Variants in PRRG1 observed in about 807,000 individuals in gnomAD.
PRRG1 encodes proline rich and Gla domain 1, also known as transmembrane gamma-carboxyglutamic acid protein 1.
PRRG1 carries 5 observed loss-of-function variants against 11.8 expected under a neutral mutation model. That is an observed-to-expected ratio of 0.42 (90% CI 0.22 to 0.89). PRRG1 has a LOEUF of 0.89. Among genes scored for constraint, PRRG1 ranks in the 40% least tolerant of loss-of-function variants. The pLI is 0.28. For synonymous variants in PRRG1, 66 were observed against 60.4 expected, an observed-to-expected ratio of 1.09 and a Z score of -0.43; for missense variants, 155 against 166.1, an observed-to-expected ratio of 0.93 and a Z score of 0.37.
At chrX:37,352,924 C>T (rs1395239177) in intron 1 of PRRG1, among the ~76,000 whole-genome samples, 3 of 111,879 alleles carry the variant, frequency 2.7e-5, no homozygotes, top group Non-Finnish European at 5.6e-5. Context: ...TGTCACAGTG[C>T]AATGCATTAC....
intron 1 of PRRG1, among the ~76,000 whole-genome samples, chrX:37,363,709 C>T (rs1251245045): frequency 8.9e-6 from 1 of 112,104 alleles, no homozygotes; most frequent in African/African-American, 3.2e-5. Flanking sequence ...TACTTGGTAT[C>T]ATATAATGAA....
chrX:37,439,569 A>G (rs376345138), intron 3 of PRRG1, among the ~76,000 whole-genome samples: 19 of 110,926 alleles, frequency 1.7e-4, no homozygotes, highest in African/African-American at 6.2e-4. Context: ...CCTCCTCCTC[A>G]TTGAACACAG....
intron 1 of PRRG1, among the ~76,000 whole-genome samples, chrX:37,365,761 C>T (rs1459370581): frequency 9.0e-6 from 1 of 111,471 alleles, no homozygotes; most frequent in Non-Finnish European, 1.9e-5. Context: ...TTTGATTTGA[C>T]CAGAAGCAAC....
chrX:37,424,672 C>T (rs182752977), intron 2 of PRRG1, among the ~76,000 whole-genome samples: 18 of 109,228 alleles, frequency 1.6e-4, no homozygotes, highest in African/African-American at 6.0e-4. Flanking sequence ...AGGAAATACT[C>T]ATTGAAGGCC....
At chrX:37,399,631 A>C (rs1602002315) in intron 1 of PRRG1, among the ~76,000 whole-genome samples, 1 of 101,242 alleles carries the variant, frequency 9.9e-6, no homozygotes, top group Admixed American at 1.1e-4. Context: ...ACACATAACA[A>C]TATTAACTTT....
chrX:37,425,919 G>A lies in PRRG1; in HGVS notation c.90G>A (p.Gln30=). 8.3e-7 allele frequency: 1 copy of A among 1,206,744 alleles called. No individual in the cohort carries two copies. Among genetic ancestry groups the A allele is most frequent in the Non-Finnish European group, 1.1e-6 (1 of 892,592 alleles). The change falls in exon 3 of 4, where the codon CAG becomes CAA. Residue 30 remains glutamine, a synonymous_variant. Transcript: ENST00000378628. ...ATGGGTTTTTTGAAGAAATAAGACA[G>A]GGCAACATTGAGCGTGAGTGCAAAG... The part of the protein sequence containing the change: ...RANGFFEEIR[Q]GNIERECKEE...
In PRRG1 at chrX:37,418,539, A is replaced by G. The variant is rs1254964256; in HGVS notation, c.11-7301A>G. Among the ~76,000 whole-genome samples the G allele has an allele frequency of 3.6e-5, 4 of 112,232 alleles. No individual in the cohort carries two copies. In the Admixed American group the frequency reaches 3.8e-4, roughly 11 times the overall value. ...TATATTTTGCAGATTGAGGATGCTTACCTTTTTAAACATGATTTAAAAGAT... is the reference window on the plus strand; with the variant it reads ...TATATTTTGCAGATTGAGGATGCTTGCCTTTTTAAACATGATTTAAAAGAT... On this transcript the variant is annotated intron_variant, in intron 2 of 3. Transcript: ENST00000378628.
chrX:37,381,014 A>T (rs1931135762), intron 1 of PRRG1, among the ~76,000 whole-genome samples: 1 of 111,644 alleles, frequency 9.0e-6, no homozygotes. Context: ...TTAATTCTTT[A>T]GAATGGAACA....
At position 37,456,268 on chromosome X, in the gene PRRG1, A is replaced by T. The variant is rs1255245465; in HGVS notation, c.*2647A>T. On this transcript the variant is annotated 3_prime_UTR_variant, in exon 4 of 4. Coordinates refer to ENST00000378628, the MANE Select transcript of PRRG1 (RefSeq NM_001142395.2). ...AAGTGTAAGGGGGTCCAGAGACCAAAAGTTTTAGAGCTACAGGATTAGACA... is the reference window on the plus strand; with the variant it reads ...AAGTGTAAGGGGGTCCAGAGACCAATAGTTTTAGAGCTACAGGATTAGACA... The T allele has an allele frequency of 1.8e-5, 2 of 112,111 alleles. No individual in the cohort carries two copies. The highest frequency in any genetic ancestry group is 3.8e-5 in the Non-Finnish European group (2 of 53,211). 9.2% of individuals were successfully genotyped at this position (112,111 alleles called of 1,213,427 possible).
chrX:37,432,507 GA>G (rs202133364), intron 3 of PRRG1, among the ~76,000 whole-genome samples: 4,817 of 111,622 alleles, frequency 0.043, 255 homozygotes, highest in African/African-American at 0.15. Context: ...GCAAGTAGAA[GA>G]AATTCCTTCA....
intron 1 of PRRG1, among the ~76,000 whole-genome samples, chrX:37,394,325 C>T (rs782462338): frequency 3.6e-5 from 4 of 111,819 alleles, no homozygotes; most frequent in South Asian, 3.8e-4. Context: ...AGAGACACCA[C>T]GAGGAGGGAA....
chrX:37,439,507 T>C (rs782762363), intron 3 of PRRG1, among the ~76,000 whole-genome samples: 4 of 112,003 alleles, frequency 3.6e-5, no homozygotes, highest in African/African-American at 9.7e-5. Context: ...AAGCCCAAAA[T>C]AGGAGCCAGG....
chrX:37,368,369 G>T (rs1480407002), intron 1 of PRRG1, among the ~76,000 whole-genome samples: 2 of 111,751 alleles, frequency 1.8e-5, no homozygotes, highest in East Asian at 2.8e-4. Flanking sequence ...TATGGGATCC[G>T]TATGCATTTG....
chrX:37,434,789 A>G (rs1426330392), intron 3 of PRRG1, among the ~76,000 whole-genome samples: 3 of 111,879 alleles, frequency 2.7e-5, no homozygotes, highest in African/African-American at 9.7e-5. Context: ...TTATTTCACC[A>G]CTATCACTTT....
intron 1 of PRRG1, among the ~76,000 whole-genome samples, chrX:37,398,893 G>A (rs1556379219): frequency 9.1e-6 from 1 of 109,898 alleles, no homozygotes; most frequent in Admixed American, 9.7e-5. Flanking sequence ...GATGGAAGAT[G>A]AAATGAATGA....
At chrX:37,394,042 A>G (rs1340188962) in intron 1 of PRRG1, among the ~76,000 whole-genome samples, 1 of 112,395 alleles carries the variant, frequency 8.9e-6, no homozygotes, top group African/African-American at 3.2e-5. Flanking sequence ...CCTATTTACT[A>G]TGCAAACATG....
chrX:37,377,861 G>A (rs1326282594), intron 1 of PRRG1, among the ~76,000 whole-genome samples: 1 of 111,585 alleles, frequency 9.0e-6, no homozygotes, highest in Non-Finnish European at 1.9e-5. Context: ...CTTAAGAAGG[G>A]TTGAGACTTC....
intron 3 of PRRG1, among the ~76,000 whole-genome samples, chrX:37,439,893 G>A (rs1176020096): frequency 9.7e-6 from 1 of 102,716 alleles, no homozygotes; most frequent in Non-Finnish European, 1.9e-5. Context: ...TTCGCCTCCT[G>A]GATTTAAGTG....
chrX:37,352,480 A>G (rs1415836205), intron 1 of PRRG1, among the ~76,000 whole-genome samples: 1 of 111,765 alleles, frequency 8.9e-6, no homozygotes, highest in Non-Finnish European at 1.9e-5. Flanking sequence ...CTGTGGACCT[A>G]CTGACTGAAA....
Sources: gnomAD v4.1 joint callset for allele counts (sites outside exome capture counted in the v4.1 genomes callset) on GRCh38, gnomAD v4.1.1 for gene constraint, MANE v1.5 for transcripts, NCBI Gene and HGNC (gene_info 2026-07-23, HGNC 2026-07-21) for gene names.